Variants in DIP2A observed in about 807,000 individuals in gnomAD.
DIP2A encodes the protein disco-interacting protein 2 homolog A.
A neutral mutation model predicts 177.4 loss-of-function variants in DIP2A; 85 were observed. The ratio of observed to expected loss-of-function variants is 0.48; its 90% confidence interval spans 0.40 to 0.57. DIP2A has a LOEUF of 0.57. Ranked by LOEUF, DIP2A falls within the 20% of genes least tolerant of loss-of-function variation. DIP2A has a pLI of 0.00. For synonymous variants in DIP2A, 886 were observed against 881.8 expected, an observed-to-expected ratio of 1.00 and a Z score of -0.08; for missense variants, 1,791 against 2,100.2, an observed-to-expected ratio of 0.85 and a Z score of 2.88.
chr21:46,528,555 T>TAGATAATGTC (rs2059215950), intron 8 of DIP2A, among the ~76,000 whole-genome samples: 1 of 115,412 alleles, frequency 8.7e-6, no homozygotes, highest in African/African-American at 3.2e-5. Context: ...TTTTTTTTTT[T>TAGATAATGTC]TTTTTTTTTT....
rs2060902765 is a variant in DIP2A, at chr21:46,568,812, T to A, written c.*1190T>A. 1 of 152,226 alleles carries A rather than the reference T, an allele frequency of 6.6e-6. No homozygotes were observed. The highest frequency in any genetic ancestry group is 2.1e-4 in the South Asian group (1 of 4,832). 9.4% of individuals were successfully genotyped at this position (152,226 alleles called of 1,614,324 possible). On this transcript the variant is annotated 3_prime_UTR_variant, in exon 38 of 38. Coordinates refer to ENST00000417564, the MANE Select transcript of DIP2A (RefSeq NM_015151.4). ...TCTAAGGTTTTCATATCCATAGTGC[T>A]GTTTGGTGAGTACCGGCAGTACAGT...
chr21:46,575,490 T>C, the DIP2A span, among the ~76,000 whole-genome samples: 706 of 152,274 alleles, frequency 4.6e-3, 5 homozygotes, highest in African/African-American at 0.016. Flanking sequence ...TCTCTGCCAA[T>C]GATATAATCT....
At chr21:46,533,795 A>G (rs1039389802) in intron 11 of DIP2A, 148 bp downstream of exon 11, 3 of 1,276,050 alleles carry the variant, frequency 2.4e-6, no homozygotes, top group Non-Finnish European at 1.1e-6. Flanking sequence ...CTCGGTTTTC[A>G]TCTGGCTTCA....
intron 13 of DIP2A, 67 bp downstream of exon 13, chr21:46,534,754 A>C: frequency 7.2e-7 from 1 of 1,392,292 alleles, no homozygotes; most frequent in Non-Finnish European, 9.9e-7. Context: ...GTACCTAATC[A>C]TGTGACTGTC....
intron 28 of DIP2A, 121 bp downstream of exon 28, chr21:46,555,054 C>T (rs945770429): frequency 8.6e-6 from 9 of 1,049,614 alleles, no homozygotes; most frequent in African/African-American, 7.8e-5. Flanking sequence ...AGGAGCCTGG[C>T]TGACAGCAGG....
Position 46,565,698 on chromosome 21 carries a change from C to T in DIP2A, c.4165-15C>T. 3 of 1,610,464 alleles carry T rather than the reference C, an allele frequency of 1.9e-6. No individual in the cohort carries two copies. Among genetic ancestry groups the T allele is most frequent in the Non-Finnish European group, 2.5e-6 (3 of 1,178,024 alleles). ...GTTGGTAACACATCACATTCTTGTC[C>T]TCTGGGCCCACCAGATCTGGGTAAG... On this transcript the variant is annotated splice_polypyrimidine_tract_variant and intron_variant, in intron 35 of 37. Coordinates refer to ENST00000417564, the MANE Select transcript of DIP2A (RefSeq NM_015151.4).
chr21:46,541,316 G>T (rs1299297012), intron 17 of DIP2A, among the ~76,000 whole-genome samples: 2 of 152,184 alleles, frequency 1.3e-5, no homozygotes, highest in Non-Finnish European at 2.9e-5. Flanking sequence ...GGAGGGAGCG[G>T]TGAGGGGCTG....
At chr21:46,468,425 AAAAG>A (rs1354315698) in intron 1 of DIP2A, among the ~76,000 whole-genome samples, 16 of 151,652 alleles carry the variant, frequency 1.1e-4, no homozygotes, top group East Asian at 3.9e-4. Flanking sequence ...AAAAAAAAAA[AAAAG>A]AGAGAAAATC....
chr21:46,566,008 G>C, intron 36 of DIP2A, 121 bp downstream of exon 36: 2 of 1,175,578 alleles, frequency 1.7e-6, no homozygotes, highest in Admixed American at 2.3e-5. Flanking sequence ...GCTCCTTGTG[G>C]GGGGAAGATG....
rs8130568 is a variant in DIP2A, at chr21:46,521,249, C to T, written c.1103-7843C>T. Among the ~76,000 whole-genome samples, 1,342 of 152,172 alleles carry T rather than the reference C, an allele frequency of 8.8e-3. 11 individuals carry two copies. Among genetic ancestry groups the T allele is most frequent in the Non-Finnish European group, 0.014 (953 of 68,012 alleles). On this transcript the variant is annotated intron_variant, in intron 8 of 37. Coordinates refer to ENST00000417564, the MANE Select transcript of DIP2A (RefSeq NM_015151.4). ...TGTCACCCAGGTTGAAGTGCAGTGG[C>T]GTGATCTCGGCTCACTGCAACCTCC...
At chr21:46,571,964 C>CCTTGT (rs1292693985), downstream of DIP2A, among the ~76,000 whole-genome samples, 2 of 152,158 alleles carry the variant, frequency 1.3e-5, no homozygotes, top group Non-Finnish European at 2.9e-5. Flanking sequence ...GAAAGAGCAT[C>CCTTGT]CTTGTCTTGT....
chr21:46,565,236 GCA>G (rs373638990), intron 35 of DIP2A, among the ~76,000 whole-genome samples: 38 of 152,352 alleles, frequency 2.5e-4, no homozygotes, highest in African/African-American at 7.5e-4. Context: ...GATAGCGGAC[GCA>G]CACACACGCG....
intron 10 of DIP2A, among the ~76,000 whole-genome samples, chr21:46,533,035 A>G (rs1331338823): frequency 6.6e-6 from 1 of 152,222 alleles, no homozygotes; most frequent in Non-Finnish European, 1.5e-5. Context: ...GTAAAACTAG[A>G]GATTTGTCAA....
intron 9 of DIP2A, among the ~76,000 whole-genome samples, 184 bp downstream of exon 9, chr21:46,529,367 T>C (rs1288095874): frequency 6.6e-6 from 1 of 152,166 alleles, no homozygotes; most frequent in Non-Finnish European, 1.5e-5. Flanking sequence ...TGGGAGGCTG[T>C]GGTGAGCGGA....
intron 19 of DIP2A, among the ~76,000 whole-genome samples, 165 bp from the exon 20 acceptor site, chr21:46,545,716 T>G (rs1391769991): frequency 6.6e-6 from 1 of 152,152 alleles, no homozygotes; most frequent in African/African-American, 2.4e-5. Flanking sequence ...CCCAGGAGAT[T>G]GAGCAGCCAG....
intron 1 of DIP2A, among the ~76,000 whole-genome samples, chr21:46,467,963 T>TA (rs2054989118): frequency 6.6e-6 from 1 of 151,934 alleles, no homozygotes; most frequent in Non-Finnish European, 1.5e-5. Context: ...CCATCTCTGC[T>TA]AAAAAATATG....
At chr21:46,459,526 C>CT (rs2054100154) in intron 1 of DIP2A, among the ~76,000 whole-genome samples, 1 of 124,838 alleles carries the variant, frequency 8.0e-6, no homozygotes, top group African/African-American at 2.7e-5. Context: ...GGAACTCCCG[C>CT]CCCTCACCCC....
At chr21:46,464,564 C>T (rs748012219) in intron 1 of DIP2A, among the ~76,000 whole-genome samples, 5 of 152,076 alleles carry the variant, frequency 3.3e-5, no homozygotes, top group Non-Finnish European at 7.4e-5. Context: ...GGATGGAAGT[C>T]CAATATTAAG....
intron 1 of DIP2A, chr21:46,469,170 A>G (rs2055135474): frequency 6.6e-6 from 1 of 152,234 alleles, no homozygotes; most frequent in African/African-American, 2.4e-5. Context: ...GGAAGGTTTG[A>G]TCTGCTCATC....
Sources: gnomAD v4.1 joint callset for allele counts (sites outside exome capture counted in the v4.1 genomes callset) on GRCh38, gnomAD v4.1.1 for gene constraint, MANE v1.5 for transcripts, NCBI Gene and HGNC (gene_info 2026-07-23, HGNC 2026-07-21) for gene names.